NCAM1: variants seen among roughly 807,000 people sequenced by gnomAD.
The protein encoded by NCAM1 is neural cell adhesion molecule 1.
NCAM1 carries 14 observed loss-of-function variants against 109.8 expected under a neutral mutation model. That is an observed-to-expected ratio of 0.13 (90% CI 0.08 to 0.20). NCAM1 has a LOEUF of 0.20. Among genes scored for constraint, NCAM1 ranks in the 10% least tolerant of loss-of-function variants. NCAM1 has a pLI of 1.00. For synonymous variants in NCAM1, 418 were observed against 442.9 expected (o/e 0.94, Z 0.70); for missense variants, 774 against 1,109.9 (o/e 0.70, Z 4.30).
chr11:113,091,383 G>A (rs989358251), intron 1 of NCAM1, among the ~76,000 whole-genome samples: 5 of 152,076 alleles, frequency 3.3e-5, no homozygotes, highest in African/African-American at 4.8e-5. Flanking sequence ...ATGTTTTATC[G>A]GACACTTGCT....
chr11:113,166,842 A>G (rs1782562397), intron 1 of NCAM1, among the ~76,000 whole-genome samples: 1 of 152,248 alleles, frequency 6.6e-6, no homozygotes, highest in Non-Finnish European at 1.5e-5. Flanking sequence ...CATAGCCAAG[A>G]AAAATGAAAT....
chr11:113,109,742 A>T (rs1306296024), intron 1 of NCAM1, among the ~76,000 whole-genome samples: 2 of 152,128 alleles, frequency 1.3e-5, no homozygotes, highest in African/African-American at 4.8e-5. Context: ...TGAAAAAGTG[A>T]CTTTTGTGCT....
chr11:112,961,680 T>A lies in NCAM1; in HGVS notation c.52+16T>A, dbSNP rs782039043. ...GGAACTGCAGGTACATTTTTTTTTT[T>A]TTTAATTCTCAATCTGGTTTGCTAA... On this transcript the variant is annotated intron_variant, in intron 1 of 19. Coordinates refer to ENST00000316851, the MANE Select transcript of NCAM1 (RefSeq NM_181351.5). 48 of 1,424,894 alleles carry A rather than the reference T, an allele frequency of 3.4e-5. No individual in the cohort carries two copies. The highest frequency in any genetic ancestry group is 1.7e-4 in the Middle Eastern group (1 of 5,758). 88.3% of individuals were successfully genotyped at this position (1,424,894 alleles called of 1,614,324 possible).
intron 1 of NCAM1, among the ~76,000 whole-genome samples, chr11:113,187,082 G>T (rs782367311): frequency 6.6e-6 from 1 of 152,160 alleles, no homozygotes; most frequent in Non-Finnish European, 1.5e-5. Context: ...GTATCTAAGG[G>T]AGTTCCCCAG....
Position 113,208,957 on chromosome 11 carries a change from C to T in NCAM1, c.916+955C>T, listed in dbSNP as rs566541624. On this transcript the variant is annotated intron_variant, in intron 7 of 19. Coordinates refer to ENST00000316851, the MANE Select transcript of NCAM1 (RefSeq NM_181351.5). ...AAACAGTGTCATGGAAGAGCCCCCA[C>T]ATCCCTGCTCACTTCATCTTCATAA... is the stretch of plus-strand genomic sequence containing the variant. Among the ~76,000 whole-genome samples the T allele has an allele frequency of 2.6e-5, 4 of 152,382 alleles. No homozygotes were observed. In the South Asian group the frequency reaches 8.3e-4, roughly 32 times the overall value.
intron 14 of NCAM1, chr11:113,243,731 GCTTGC>G: frequency 6.3e-6 from 2 of 318,284 alleles, no homozygotes; most frequent in Non-Finnish European, 1.3e-5. Flanking sequence ...TAATATTTCT[GCTTGC>G]ACAGAAAAAA....
rs111288601 is a variant in NCAM1 at position 113,015,697 on chromosome 11, C to T, written c.52+54033C>T. ...GTTGCAGTGAGCCGAGATCATGTCA[C>T]TGCACCCAGCCTGGGTGACAGAGAC... On this transcript the variant is annotated intron_variant, in intron 1 of 19. Coordinates refer to ENST00000316851, the MANE Select transcript of NCAM1 (RefSeq NM_181351.5). Among the ~76,000 whole-genome samples, 314 of 152,084 alleles carry T rather than the reference C, an allele frequency of 2.1e-3. 1 individual carries two copies. The highest frequency in any genetic ancestry group is 7.1e-3 in the African/African-American group (296 of 41,486).
intron 1 of NCAM1, among the ~76,000 whole-genome samples, chr11:113,169,396 A>G (rs10502170): frequency 0.21 from 32,675 of 152,064 alleles, 4,507 homozygotes; most frequent in African/African-American, 0.38. Flanking sequence ...AAGCTAGAAC[A>G]TGAACTGTGA....
chr11:112,968,737 G>T (rs951919270), intron 1 of NCAM1, among the ~76,000 whole-genome samples: 27 of 152,132 alleles, frequency 1.8e-4, no homozygotes, highest in African/African-American at 6.0e-4. Flanking sequence ...TTATCAAGGG[G>T]GATTGGGTGG....
intron 1 of NCAM1, among the ~76,000 whole-genome samples, chr11:113,109,115 A>G (rs1940314319): frequency 6.6e-6 from 1 of 151,262 alleles, no homozygotes; most frequent in Non-Finnish European, 1.5e-5. Flanking sequence ...TGGGAGGCCA[A>G]GGCTGGTGGA....
At chr11:113,072,145 A>C (rs1348042010) in intron 1 of NCAM1, among the ~76,000 whole-genome samples, 2 of 152,024 alleles carry the variant, frequency 1.3e-5, no homozygotes, top group African/African-American at 2.4e-5. Flanking sequence ...AATACATCTC[A>C]AAAAAAATTA....
At chr11:113,169,086 CTT>C (rs1942907588) in intron 1 of NCAM1, among the ~76,000 whole-genome samples, 1 of 142,256 alleles carries the variant, frequency 7.0e-6, no homozygotes, top group Admixed American at 7.2e-5. Flanking sequence ...GTGTGTGTGT[CTT>C]TGTTTTTTGC....
At chr11:113,242,733 G>T in intron 14 of NCAM1, 1 of 1,331,234 alleles carries the variant, frequency 7.5e-7, no homozygotes, top group South Asian at 1.2e-5. Flanking sequence ...TACATATATA[G>T]CTATGAGTTT....
intron 1 of NCAM1, among the ~76,000 whole-genome samples, chr11:113,155,857 A>G (rs79919860): frequency 0.078 from 11,843 of 151,742 alleles, 573 homozygotes; most frequent in Non-Finnish European, 0.1. Flanking sequence ...TCTCCTCCCC[A>G]TTCCTCCACT....
intron 9 of NCAM1, among the ~76,000 whole-genome samples, chr11:113,224,292 G>T (rs77911100): frequency 4.6e-5 from 7 of 152,324 alleles, no homozygotes; most frequent in African/African-American, 1.4e-4. Flanking sequence ...TATATCCCGC[G>T]CATGGCTCAG....
chr11:113,133,896 C>CA (rs1941501936), intron 1 of NCAM1: 1 of 151,980 alleles, frequency 6.6e-6, no homozygotes, highest in African/African-American at 2.4e-5. Flanking sequence ...CATTTAGGTT[C>CA]TTTGCCAAAT....
In NCAM1 at chr11:113,158,971, T is replaced by C. The variant is rs190178663; in HGVS notation, c.53-43408T>C. Among the ~76,000 whole-genome samples, 170 of 152,380 alleles carry C rather than the reference T, an allele frequency of 1.1e-3. 1 individual carries two copies. The highest frequency in any genetic ancestry group is 8.9e-3 in the South Asian group (43 of 4,832). On this transcript the variant is annotated intron_variant, in intron 1 of 19. Coordinates refer to ENST00000316851, the MANE Select transcript of NCAM1 (RefSeq NM_181351.5). ...TCTTTAGTAATAAATAACACCACAC[T>C]ATTTCTAACAATAGTTATCTCTAGA...
intron 1 of NCAM1, among the ~76,000 whole-genome samples, chr11:113,045,486 C>A (rs781878692): frequency 6.6e-6 from 1 of 152,204 alleles, no homozygotes; most frequent in Non-Finnish European, 1.5e-5. Context: ...TCCCACTTTA[C>A]TCCCTAAAAC....
chr11:113,038,081 A>C (rs1952950716), intron 1 of NCAM1, among the ~76,000 whole-genome samples: 1 of 152,196 alleles, frequency 6.6e-6, no homozygotes, highest in African/African-American at 2.4e-5. Flanking sequence ...GTCATTGTGC[A>C]TCTTGTCAGT....
Sources: allele counts gnomAD v4.1 joint callset (sites outside exome capture counted in the v4.1 genomes callset), GRCh38; gene constraint gnomAD v4.1.1; transcripts MANE v1.5; gene names NCBI Gene and HGNC (gene_info 2026-07-23, HGNC 2026-07-21).